The following RPS6KC1 variants were observed in gnomAD, a reference collection of about 807,000 sequenced individuals.
RPS6KC1 encodes inactive ribosomal protein S6 kinase delta-1.
A neutral mutation model predicts 103.8 loss-of-function variants in RPS6KC1; 54 were observed. The ratio of observed to expected loss-of-function variants is 0.52; its 90% CI spans 0.42 to 0.65. The LOEUF (loss-of-function observed/expected upper bound fraction) is 0.65, where lower values mean the gene tolerates loss of function less well. Ranked by LOEUF, RPS6KC1 falls within the 30% of genes least tolerant of loss-of-function variation. The pLI is 0.00. For missense variants in RPS6KC1, 1,151 were observed against 1,253.8 expected (o/e 0.92, Z 1.24); for synonymous variants, 439 against 438.7 (o/e 1.00, Z -0.01).
the RPS6KC1 span, among the ~76,000 whole-genome samples, chr1:213,523,534 T>G: frequency 1.3e-5 from 2 of 152,330 alleles, no homozygotes; most frequent in Middle Eastern, 3.4e-3. Flanking sequence ...ACAGGGTTGT[T>G]GTAAAAATAA....
chr1:213,218,461 AT>A (rs1234166553), intron 8 of RPS6KC1, among the ~76,000 whole-genome samples: 1 of 152,152 alleles, frequency 6.6e-6, no homozygotes, highest in African/African-American at 2.4e-5. Context: ...TAATTTATAG[AT>A]TCAATGCCAT....
At chr1:213,329,279 G>A in the RPS6KC1 span, among the ~76,000 whole-genome samples, 1 of 152,140 alleles carries the variant, frequency 6.6e-6, no homozygotes, top group Non-Finnish European at 1.5e-5. Flanking sequence ...GGGGACCCAT[G>A]GAGTCACAGA....
At chr1:213,401,908 T>C in the RPS6KC1 span, among the ~76,000 whole-genome samples, 3 of 152,080 alleles carry the variant, frequency 2.0e-5, no homozygotes, top group Non-Finnish European at 2.9e-5. Flanking sequence ...AACCTCAGCC[T>C]CCCGAGTAGC....
chr1:213,593,911 G>A, the RPS6KC1 span, among the ~76,000 whole-genome samples: 2 of 152,036 alleles, frequency 1.3e-5, no homozygotes, highest in Non-Finnish European at 2.9e-5. Flanking sequence ...TGTTGCCCAG[G>A]CTGGAGTGCA....
chr1:213,269,193 G>T (rs750059410), intron 14 of RPS6KC1, among the ~76,000 whole-genome samples: 4 of 152,108 alleles, frequency 2.6e-5, no homozygotes, highest in Non-Finnish European at 2.9e-5. Context: ...AGACAAAATG[G>T]ATATTAAGAT....
chr1:213,707,315 T>G, the RPS6KC1 span, among the ~76,000 whole-genome samples: 78 of 152,374 alleles, frequency 5.1e-4, 1 homozygote, highest in Admixed American at 4.8e-3. Flanking sequence ...ATGAGCTTTT[T>G]TTCATATGTT....
intron 8 of RPS6KC1, among the ~76,000 whole-genome samples, chr1:213,207,669 CT>C (rs887234404): frequency 6.0e-5 from 9 of 151,004 alleles, no homozygotes; most frequent in South Asian, 2.1e-4. Context: ...ATTTATATAC[CT>C]TTTTTTTTGT....
the RPS6KC1 span, among the ~76,000 whole-genome samples, chr1:213,676,426 T>G: frequency 6.6e-6 from 1 of 152,110 alleles, no homozygotes. Flanking sequence ...GTCTGAGGAA[T>G]GGAGAAAAAA....
intron 5 of RPS6KC1, among the ~76,000 whole-genome samples, chr1:213,118,035 A>AAAAAAAAAAAAAAAAAAAAC (rs1161625346): frequency 6.7e-6 from 1 of 149,000 alleles, no homozygotes; most frequent in African/African-American, 2.5e-5. Flanking sequence ...AAAAAAAAAA[A>AAAAAAAAAAAAAAAAAAAAC]AAAAGCCTTA....
the RPS6KC1 span, among the ~76,000 whole-genome samples, chr1:213,421,477 G>A: frequency 6.6e-6 from 1 of 152,206 alleles, no homozygotes; most frequent in Non-Finnish European, 1.5e-5. Flanking sequence ...CATTAGGTAT[G>A]TCTTTTTCGG....
intron 1 of RPS6KC1, among the ~76,000 whole-genome samples, chr1:213,065,434 C>T (rs1339881639): frequency 2.0e-5 from 3 of 152,146 alleles, no homozygotes; most frequent in East Asian, 1.9e-4. Context: ...TATATTCTTC[C>T]CTCAGATTTC....
At chr1:213,320,186 T>C in the RPS6KC1 span, among the ~76,000 whole-genome samples, 1 of 152,358 alleles carries the variant, frequency 6.6e-6, no homozygotes, top group South Asian at 2.1e-4. Flanking sequence ...GGCCTCCATC[T>C]TGCCCACAAC....
chr1:213,852,523 T>C, the RPS6KC1 span, among the ~76,000 whole-genome samples: 1 of 152,196 alleles, frequency 6.6e-6, no homozygotes, highest in Admixed American at 6.5e-5. Context: ...TAGACTTATG[T>C]CACAGCCTTT....
At chr1:213,481,953 G>A in the RPS6KC1 span, among the ~76,000 whole-genome samples, 9 of 152,218 alleles carry the variant, frequency 5.9e-5, no homozygotes, top group East Asian at 1.7e-3. Flanking sequence ...TGGCAAGTGA[G>A]TTATCGTGAG....
At chr1:213,269,607 T>A (rs955934603) in intron 14 of RPS6KC1, among the ~76,000 whole-genome samples, 5 of 152,094 alleles carry the variant, frequency 3.3e-5, no homozygotes, top group African/African-American at 1.2e-4. Flanking sequence ...ATAATAACCA[T>A]AACAATCAAA....
At chr1:213,150,196 G>T (rs1333128143) in intron 6 of RPS6KC1, among the ~76,000 whole-genome samples, 3 of 151,926 alleles carry the variant, frequency 2.0e-5, no homozygotes, top group Non-Finnish European at 4.4e-5. Context: ...TTTTCTGGTG[G>T]TTTAGTGGTC....
chr1:213,792,089 G>A, the RPS6KC1 span, among the ~76,000 whole-genome samples: 1 of 152,218 alleles, frequency 6.6e-6, no homozygotes, highest in East Asian at 1.9e-4. Flanking sequence ...CCAATACTGT[G>A]CCCCTGGCCC....
At chr1:213,197,226 A>G (rs1298080934) in intron 8 of RPS6KC1, among the ~76,000 whole-genome samples, 1 of 152,138 alleles carries the variant, frequency 6.6e-6, no homozygotes, top group Admixed American at 6.5e-5. Flanking sequence ...TGATGCCTCC[A>G]GATTTATTCT....
At chr1:213,516,578 G>A in the RPS6KC1 span, among the ~76,000 whole-genome samples, 1 of 152,180 alleles carries the variant, frequency 6.6e-6, no homozygotes, top group South Asian at 2.1e-4. Context: ...CAGGGATGAA[G>A]CCTACTTGAT....
Sources: allele counts gnomAD v4.1 joint callset (sites outside exome capture counted in the v4.1 genomes callset), GRCh38; gene constraint gnomAD v4.1.1; transcripts MANE v1.5; gene names NCBI Gene and HGNC (gene_info 2026-07-23, HGNC 2026-07-21).